The following CDKL4 variants were observed in gnomAD, a reference collection of about 807,000 sequenced individuals.
CDKL4 encodes the protein cyclin dependent kinase like 4.
Under a neutral mutation model 42.0 loss-of-function variants are expected in CDKL4, and 44 were observed. The observed-to-expected ratio is 1.05, with a 90% CI of 0.82 to 1.35. The LOEUF is 1.35. Among genes scored for constraint, CDKL4 ranks in the 40% most tolerant of loss-of-function variants. The probability of loss-of-function intolerance (pLI) is 0.00; values close to 1 mark genes in which losing one functional copy is unlikely to be tolerated. For missense variants in CDKL4, 393 were observed against 369.9 expected (o/e 1.06, Z -0.51); for synonymous variants, 120 against 121.6 (o/e 0.99, Z 0.09).
rs372022773 is a variant in CDKL4, at chr2:39,184,590, C to T, written c.792+1G>A. The T allele has an allele frequency of 1.1e-5, 17 of 1,606,606 alleles. No individual in the cohort carries two copies. Among genetic ancestry groups the T allele is most frequent in the Non-Finnish European group, 1.4e-5 (16 of 1,174,616 alleles). On this transcript the variant is annotated splice_donor_variant, in intron 8 of 9. Coordinates refer to ENST00000451199, the Ensembl canonical transcript of CDKL4. LOFTEE classifies it high-confidence loss of function. Reference sequence around the variant, plus strand: ...AAGAGTTATAATTGATTCTTAAGTACCTTCATGAAGTTCAGAGCCACAGGA... The same window carrying T: ...AAGAGTTATAATTGATTCTTAAGTATCTTCATGAAGTTCAGAGCCACAGGA...
downstream of CDKL4, among the ~76,000 whole-genome samples, chr2:39,173,121 T>C (rs1438112912): frequency 1.3e-5 from 2 of 152,176 alleles, no homozygotes; most frequent in East Asian, 1.9e-4. Context: ...AAATGGGCAA[T>C]GGAATGCTGT....
intron 7 of CDKL4, 75 bp downstream of exon 7, chr2:39,187,552 A>G: frequency 1.9e-6 from 2 of 1,067,508 alleles, no homozygotes; most frequent in Non-Finnish European, 1.4e-6. Context: ...CTCAAAATAA[A>G]TAAATAAATA....
chr2:39,172,920 C>G (rs930433500), downstream of CDKL4, among the ~76,000 whole-genome samples: 14 of 152,102 alleles, frequency 9.2e-5, no homozygotes, highest in Admixed American at 5.2e-4. Flanking sequence ...TATATTAGAG[C>G]ATTTTTCTAA....
chr2:39,210,026 C>G (rs1019668697), intron 4 of CDKL4, among the ~76,000 whole-genome samples: 1 of 152,130 alleles, frequency 6.6e-6, no homozygotes, highest in African/African-American at 2.4e-5. Context: ...CTTGCTCTGT[C>G]GCCCAGGCTG....
chr2:39,240,347 G>C (rs1476065633), intron 1 of CDKL4, among the ~76,000 whole-genome samples: 2 of 151,380 alleles, frequency 1.3e-5, no homozygotes, highest in East Asian at 3.9e-4. Context: ...TTGAACCCAG[G>C]AGGCAGAGGT....
chr2:39,229,765 A>T (rs1180479873), intron 1 of CDKL4, among the ~76,000 whole-genome samples, 177 bp from the exon 2 acceptor site: 1 of 152,244 alleles, frequency 6.6e-6, no homozygotes, highest in African/African-American at 2.4e-5. Flanking sequence ...CAGCTCTTCC[A>T]GCTATCAAAA....
chr2:39,218,950 C>T (rs1369827401), intron 3 of CDKL4, among the ~76,000 whole-genome samples: 1 of 152,122 alleles, frequency 6.6e-6, no homozygotes, highest in African/African-American at 2.4e-5. Flanking sequence ...CTCTGAAGAA[C>T]CTTGACTAAT....
intron 7 of CDKL4, among the ~76,000 whole-genome samples, chr2:39,185,567 A>C (rs1675786267): frequency 6.7e-6 from 1 of 149,820 alleles, no homozygotes; most frequent in South Asian, 2.1e-4. Flanking sequence ...GGTTGATGCC[A>C]TTCTCCTGCC....
intron 6 of CDKL4, among the ~76,000 whole-genome samples, chr2:39,189,306 C>T (rs1405258178): frequency 6.6e-6 from 1 of 152,180 alleles, no homozygotes; most frequent in Non-Finnish European, 1.5e-5. Context: ...TGAAAGCTCA[C>T]GAAAGAAACC....
At chr2:39,188,677 A>C (rs1295565919) in intron 6 of CDKL4, among the ~76,000 whole-genome samples, 1 of 150,714 alleles carries the variant, frequency 6.6e-6, no homozygotes, top group Non-Finnish European at 1.5e-5. Context: ...TTCATCTCAT[A>C]ATCTCACAAC....
In CDKL4 at chr2:39,185,378, G is replaced by GTA. The variant is rs1553381172; in HGVS notation, c.736-733_736-732dup. On this transcript the variant is annotated intron_variant, in intron 7 of 9. Coordinates refer to ENST00000451199, the Ensembl canonical transcript of CDKL4. The stretch of plus-strand genomic sequence containing the variant: ...TATATATACATATATATATACATAT[G>GTA]TATATATACATGTATATATACATAT... Among the ~76,000 whole-genome samples the GTA allele has an allele frequency of 1.2e-3, 20 of 16,400 alleles. 5 individuals carry two copies. The highest frequency in any genetic ancestry group is 2.7e-3 in the African/African-American group (16 of 5,884). The allele number at this position is 16,400 out of a possible 152,430, so 10.8% of individuals were successfully genotyped here.
At position 39,221,126 on chromosome 2, in the gene CDKL4, G is replaced by T. The variant is rs538440745; in HGVS notation, c.290+4713C>A. ...TCTCCTGGGTTCACACCATTCTCCT[G>T]CCTCAGCCTCCTAAGTAGCTGGGAC... On this transcript the variant is annotated intron_variant, in intron 3 of 9. Transcript: ENST00000451199. 4.2e-4 allele frequency among the ~76,000 whole-genome samples: 63 copies of T among 150,290 alleles called. 1 individual carries two copies. Among genetic ancestry groups the T allele is most frequent in the African/African-American group, 1.5e-3 (60 of 40,794 alleles).
downstream of CDKL4, among the ~76,000 whole-genome samples, chr2:39,173,183 G>T (rs1359834560): frequency 6.6e-6 from 1 of 152,030 alleles, no homozygotes; most frequent in African/African-American, 2.4e-5. Flanking sequence ...TGTATATATG[G>T]ATATGCATAA....
intron 1 of CDKL4, among the ~76,000 whole-genome samples, chr2:39,236,754 T>C (rs1222848764): frequency 6.6e-6 from 1 of 151,910 alleles, no homozygotes; most frequent in Non-Finnish European, 1.5e-5. Flanking sequence ...AAAATGACAA[T>C]ATTCCAAACA....
chr2:39,178,019 C>T (rs911302305), intron 9 of CDKL4, among the ~76,000 whole-genome samples: 2 of 152,202 alleles, frequency 1.3e-5, no homozygotes, highest in African/African-American at 2.4e-5. Context: ...TGTCCTTTTA[C>T]ACACAATTCA....
intron 2 of CDKL4, among the ~76,000 whole-genome samples, chr2:39,227,566 A>AG (rs2148389089): frequency 6.6e-6 from 1 of 152,298 alleles, no homozygotes; most frequent in East Asian, 1.9e-4. Flanking sequence ...CATCTCTCTA[A>AG]GGGAAAAAAA....
Position 39,230,672 on chromosome 2 carries a change from A to T in CDKL4, c.-56-1084T>A, listed in dbSNP as rs189349290. On this transcript the variant is annotated intron_variant, in intron 1 of 9. Coordinates refer to ENST00000451199, the Ensembl canonical transcript of CDKL4. ...AGTCTCAAAAACCCCACCCCACTTTATCCAGCAGAATCTTGTTAATATAAC... is the reference window on the plus strand; with the variant it reads ...AGTCTCAAAAACCCCACCCCACTTTTTCCAGCAGAATCTTGTTAATATAAC... Among the ~76,000 whole-genome samples, 8 of 152,326 alleles carry T rather than the reference A, an allele frequency of 5.3e-5. No homozygotes were observed. In the East Asian group the frequency reaches 9.6e-4, roughly 18 times the overall value.
chr2:39,236,740 A>C (rs115217153), intron 1 of CDKL4, among the ~76,000 whole-genome samples: 1 of 150,726 alleles, frequency 6.6e-6, no homozygotes, highest in African/African-American at 2.5e-5. Context: ...TACAGAAATT[A>C]AAAAAAATGA....
rs1677702939 is a variant in CDKL4 at position 39,213,391 on chromosome 2, G to GTATTCATATACA, written c.363+8_363+9insTGTATATGAATA. On this transcript the variant is annotated intron_variant, in intron 4 of 9. Transcript: ENST00000451199. ...GAAATGAATAAATACATTAGAAAAT[G>GTATTCATATACA]TTACTTACGTTATGTATATGACAGA... The GTATTCATATACA allele has an allele frequency of 2.0e-6, 3 of 1,514,196 alleles. No homozygotes were observed. The highest frequency in any genetic ancestry group is 2.7e-6 in the Non-Finnish European group (3 of 1,093,798). 93.8% of individuals were successfully genotyped at this position (1,514,196 alleles called of 1,614,324 possible).
Sources: allele counts gnomAD v4.1 joint callset (sites outside exome capture counted in the v4.1 genomes callset), GRCh38; gene constraint gnomAD v4.1.1; transcripts MANE v1.5; gene names NCBI Gene and HGNC (gene_info 2026-07-23, HGNC 2026-07-21).